The following HDAC9 variants were observed in gnomAD, a reference collection of about 807,000 sequenced individuals.
The protein encoded by HDAC9 is MEF-2 interacting transcription repressor (MITR) protein.
HDAC9 carries 41 observed loss-of-function variants against 139.4 expected under a neutral mutation model. The observed-to-expected ratio is 0.29, with a 90% confidence interval of 0.23 to 0.38. The LOEUF (loss-of-function observed/expected upper bound fraction) is 0.38. HDAC9 is among the 10% of genes least tolerant of loss of function. The pLI is 1.00. For missense variants in HDAC9, 1,147 were observed against 1,297.0 expected, an observed-to-expected ratio of 0.88 and a Z score of 1.78; for synonymous variants, 517 against 476.2, an observed-to-expected ratio of 1.09 and a Z score of -1.12.
chr7:18,737,287 G>GT (rs879458869), intron 13 of HDAC9, among the ~76,000 whole-genome samples: 30 of 152,010 alleles, frequency 2.0e-4, no homozygotes, highest in Non-Finnish European at 4.3e-4. Context: ...TTTTGAATTT[G>GT]TTTGCTCTTC....
rs561403300 is a variant in HDAC9 at position 18,911,844 on chromosome 7, T to C, written c.2804-23965T>C. On this transcript the variant is annotated intron_variant, in intron 22 of 25. Coordinates refer to ENST00000686413, the MANE Select transcript of HDAC9 (RefSeq NM_178425.4). ...GTTATTGATTTCTAATTTTATTCCA[T>C]TGTGGTCAGAAAAGATATCTGATAT... 4.6e-5 allele frequency among the ~76,000 whole-genome samples: 7 copies of C among 152,174 alleles called. No individual in the cohort carries two copies. The South Asian group carries it at 1.0e-3, about 23-fold the overall frequency.
intron 1 of HDAC9, among the ~76,000 whole-genome samples, chr7:18,455,530 C>A (rs958892733): frequency 6.6e-6 from 1 of 152,108 alleles, no homozygotes; most frequent in African/African-American, 2.4e-5. Flanking sequence ...AATCTGCCAG[C>A]CAGGTCTCAG....
At chr7:18,329,394 A>G (rs956701083) in intron 1 of HDAC9, among the ~76,000 whole-genome samples, 1 of 151,870 alleles carries the variant, frequency 6.6e-6, no homozygotes, top group African/African-American at 2.4e-5. Context: ...AATGTATAAC[A>G]TAAATCAAAA....
intron 12 of HDAC9, among the ~76,000 whole-genome samples, chr7:18,698,023 C>A (rs1043556033): frequency 2.6e-5 from 4 of 151,826 alleles, no homozygotes; most frequent in African/African-American, 9.7e-5. Context: ...CAGGAGAAGA[C>A]GCATGAACAA....
intron 21 of HDAC9, among the ~76,000 whole-genome samples, chr7:18,870,265 A>C (rs1000871195): frequency 5.9e-5 from 9 of 152,262 alleles, no homozygotes; most frequent in African/African-American, 2.2e-4. Context: ...ACTGCATTGC[A>C]CTTAGACATC....
At chr7:18,821,486 C>G (rs1325374616) in intron 17 of HDAC9, among the ~76,000 whole-genome samples, 2 of 152,102 alleles carry the variant, frequency 1.3e-5, no homozygotes, top group African/African-American at 4.8e-5. Flanking sequence ...AACCAAAAGG[C>G]CAGTGTGGCT....
At chr7:18,527,773 T>G (rs1196106596) in intron 2 of HDAC9, among the ~76,000 whole-genome samples, 1 of 152,120 alleles carries the variant, frequency 6.6e-6, no homozygotes, top group African/African-American at 2.4e-5. Context: ...TTTTTCTAGT[T>G]TCAAATCTAC....
At chr7:18,438,634 T>C (rs530756445) in intron 1 of HDAC9, among the ~76,000 whole-genome samples, 5 of 105,380 alleles carry the variant, frequency 4.7e-5, no homozygotes. Flanking sequence ...GACAGTGATA[T>C]GCTGTGTGTG....
chr7:18,739,286 T>C (rs1787222530), intron 13 of HDAC9, among the ~76,000 whole-genome samples: 1 of 152,222 alleles, frequency 6.6e-6, no homozygotes, highest in African/African-American at 2.4e-5. Flanking sequence ...TCATTCTCCA[T>C]CCAGCCTTGT....
intron 2 of HDAC9, among the ~76,000 whole-genome samples, chr7:18,176,392 T>C (rs547597113): frequency 1.2e-4 from 19 of 152,346 alleles, no homozygotes; most frequent in South Asian, 1.2e-3. Flanking sequence ...TCATTGTAGT[T>C]ACTTGTTTGG....
At chr7:18,648,429 T>G (rs1156645422) in intron 10 of HDAC9, 37 bp from the exon 11 acceptor site, 1 of 1,395,182 alleles carries the variant, frequency 7.2e-7, no homozygotes. Context: ...TGTGTGTGTG[T>G]GTGTATACAC....
At chr7:18,549,288 A>C (rs181650483) in intron 2 of HDAC9, among the ~76,000 whole-genome samples, 66 of 152,298 alleles carry the variant, frequency 4.3e-4, no homozygotes, top group Middle Eastern at 3.4e-3. Context: ...CAGCAATTGC[A>C]CTTCTGGAAA....
chr7:18,124,191 T>C (rs958299433), intron 1 of HDAC9, among the ~76,000 whole-genome samples: 2 of 152,182 alleles, frequency 1.3e-5, no homozygotes, highest in African/African-American at 4.8e-5. Flanking sequence ...TGTCATCACT[T>C]TGCCGAGCTC....
At chr7:18,251,399 T>C (rs1027140290) in intron 2 of HDAC9, among the ~76,000 whole-genome samples, 3 of 152,110 alleles carry the variant, frequency 2.0e-5, no homozygotes, top group Admixed American at 6.5e-5. Flanking sequence ...GAAGAGTAGC[T>C]AATGGATTCT....
At chr7:18,870,519 T>C (rs1194667185) in intron 21 of HDAC9, among the ~76,000 whole-genome samples, 2 of 152,186 alleles carry the variant, frequency 1.3e-5, no homozygotes, top group African/African-American at 4.8e-5. Context: ...TCATAGGAGA[T>C]GTTAACTTTA....
intron 6 of HDAC9, among the ~76,000 whole-genome samples, chr7:18,613,281 A>C (rs1027240607): frequency 2.0e-5 from 3 of 151,916 alleles, no homozygotes; most frequent in Non-Finnish European, 4.4e-5. Context: ...GTTCCAAAGA[A>C]ATAGGTCGTT....
intron 13 of HDAC9, among the ~76,000 whole-genome samples, chr7:18,732,851 G>C: frequency 2.0e-5 from 1 of 49,760 alleles, no homozygotes; most frequent in East Asian, 1.3e-3. Context: ...ACACACGTGT[G>C]TATGTGTGCG....
chr7:18,961,445 T>G (rs1369311451), intron 24 of HDAC9, among the ~76,000 whole-genome samples: 1 of 152,082 alleles, frequency 6.6e-6, no homozygotes, highest in Non-Finnish European at 1.5e-5. Flanking sequence ...GATAGGAAAT[T>G]GTGAAGAAAG....
intron 1 of HDAC9, among the ~76,000 whole-genome samples, chr7:18,396,314 TA>T (rs2128728805): frequency 6.6e-6 from 1 of 152,194 alleles, no homozygotes; most frequent in South Asian, 2.1e-4. Context: ...ATAAATAGGC[TA>T]AAAAACTTAT....
Sources: gnomAD v4.1 joint callset for allele counts (sites outside exome capture counted in the v4.1 genomes callset) on GRCh38, gnomAD v4.1.1 for gene constraint, MANE v1.5 for transcripts, NCBI Gene and HGNC (gene_info 2026-07-23, HGNC 2026-07-21) for gene names.